PDE4A: variants seen among roughly 807,000 people sequenced by gnomAD.
PDE4A encodes the protein 3',5'-cyclic-AMP phosphodiesterase 4A.
A neutral mutation model predicts 73.9 loss-of-function variants in PDE4A; 21 were observed. The observed-to-expected ratio is 0.28, with a 90% CI of 0.20 to 0.41. The LOEUF is 0.41. Among genes scored for constraint, PDE4A ranks in the 10% least tolerant of loss-of-function variants. PDE4A has a pLI of 1.00. For missense variants in PDE4A, 958 were observed against 1,211.4 expected, an observed-to-expected ratio of 0.79 and a Z score of 3.10; for synonymous variants, 463 against 505.4, an observed-to-expected ratio of 0.92 and a Z score of 1.13.
intron 1 of PDE4A, among the ~76,000 whole-genome samples, chr19:10,440,131 C>T (rs1450335430): frequency 1.8e-4 from 27 of 151,642 alleles, no homozygotes; most frequent in African/African-American, 6.5e-4. Flanking sequence ...ATTATAGGCA[C>T]CCACCACCAC....
At chr19:10,417,748 G>C (rs747135963), upstream of PDE4A, 13 of 1,581,668 alleles carry the variant, frequency 8.2e-6, no homozygotes, top group South Asian at 1.5e-4. Context: ...TCCGGTCCTG[G>C]CCTGGGCTGG....
At chr19:10,438,173 C>T (rs969502546) in intron 1 of PDE4A, among the ~76,000 whole-genome samples, 20 of 150,320 alleles carry the variant, frequency 1.3e-4, no homozygotes, top group African/African-American at 4.2e-4. Context: ...AGTGCAGTGG[C>T]GCAATCTCGG....
At chr19:10,427,956 CTTG>C in intron 1 of PDE4A, 2 of 403,248 alleles carry the variant, frequency 5.0e-6, no homozygotes, top group Non-Finnish European at 6.6e-6. Flanking sequence ...TATCATGTCA[CTTG>C]CACTGCAGTC....
chr19:10,424,469 C>T lies in PDE4A; in HGVS notation c.320+3385C>T, dbSNP rs546756019. Among the ~76,000 whole-genome samples, 13 of 152,366 alleles carry T rather than the reference C, an allele frequency of 8.5e-5. No homozygotes were observed. The South Asian group carries it at 2.7e-3, about 32-fold the overall frequency. ...CCCTGGATGTGGGTTGGGAGCGGGT[C>T]TCCCCGCGCGCCCTCTGCTGGACGA... On this transcript the variant is annotated intron_variant, in intron 1 of 14. Transcript: ENST00000380702. The surrounding 1 kb of genome is among the most constrained non-coding windows in gnomAD (Gnocchi z 4.8).
upstream of PDE4A, chr19:10,417,531 C>G: frequency 7.0e-7 from 1 of 1,438,398 alleles, no homozygotes; most frequent in Non-Finnish European, 9.1e-7. Flanking sequence ...GCGAGTGGCT[C>G]ACACGTGAAG....
rs1486393459 is a variant in PDE4A, at chr19:10,467,774, T to A, written c.*153T>A. On this transcript the variant is annotated 3_prime_UTR_variant, in exon 15 of 15. Transcript: ENST00000380702. ...GGGGTTTTTTTCTGTTTTCTTTTTTTCCCCTTTCCCCCTGCCCCCACCCAC... is the reference window on the plus strand; with the variant it reads ...GGGGTTTTTTTCTGTTTTCTTTTTTACCCCTTTCCCCCTGCCCCCACCCAC... 1.8e-6 allele frequency: 1 copy of A among 564,700 alleles called. No homozygotes were observed. The highest frequency in any genetic ancestry group is 2.8e-6 in the Non-Finnish European group (1 of 356,478). The allele number at this position is 564,700 out of a possible 1,614,324, so 35.0% of individuals were successfully genotyped here. A position where few individuals can be genotyped will look rare whatever the true frequency, so the allele number is the denominator to read the frequency against.
In PDE4A at chr19:10,461,490, C is replaced by G. The variant is rs780090078; in HGVS notation, c.1466-36C>G. The G allele has an allele frequency of 4.4e-6, 7 of 1,608,194 alleles. No individual in the cohort carries two copies. In the South Asian group the frequency reaches 6.6e-5, roughly 15 times the overall value. ...GCCCTCCTGCGGTTGGAGCTGCACA[C>G]GTGGGCCCTCCCCTGACCTCCGGGC... On this transcript the variant is annotated intron_variant, in intron 11 of 14. Coordinates refer to ENST00000380702, the MANE Select transcript of PDE4A (RefSeq NM_001111307.2).
intron 2 of PDE4A, 65 bp downstream of exon 2, chr19:10,446,474 C>G: frequency 1.3e-6 from 2 of 1,554,438 alleles, no homozygotes; most frequent in South Asian, 1.2e-5. Flanking sequence ...CTGCCCTTCC[C>G]AGCAGGGAGT....
intron 1 of PDE4A, among the ~76,000 whole-genome samples, chr19:10,433,463 G>A (rs930746920): frequency 3.3e-5 from 5 of 152,076 alleles, no homozygotes; most frequent in African/African-American, 1.2e-4. Context: ...AACGCACCCC[G>A]TGCCCACACA....
At chr19:10,423,200 C>T (rs1028752918) in intron 1 of PDE4A, 6 of 898,322 alleles carry the variant, frequency 6.7e-6, no homozygotes, top group Non-Finnish European at 8.0e-6. Context: ...CCTCTGTCAC[C>T]CAGGCTGGAG....
intron 1 of PDE4A, chr19:10,428,692 C>T (rs1261652926): frequency 2.6e-6 from 2 of 770,144 alleles, no homozygotes; most frequent in African/African-American, 1.9e-5. Context: ...GAAACTGAGG[C>T]TCAATGAAAT....
Position 10,461,197 on chromosome 19 carries a change from C to T in PDE4A, c.1465+94C>T, listed in dbSNP as rs543072398. ...CTAACTAGGCTGGAGGAGGGGCTGG[C>T]TGGCCTGGGGGCGGGGCTGGCTGGC... On this transcript the variant is annotated intron_variant, in intron 11 of 14. Coordinates refer to ENST00000380702, the MANE Select transcript of PDE4A (RefSeq NM_001111307.2). 2.4e-4 allele frequency: 291 copies of T among 1,228,664 alleles called. 4 individuals carry two copies. The East Asian group carries it at 0.016, about 66-fold the overall frequency. The allele number at this position is 1,228,664 out of a possible 1,614,324, so 76.1% of individuals were successfully genotyped here.
At chr19:10,461,485 G>A (rs1431886745) in intron 11 of PDE4A, 41 bp from the exon 12 acceptor site, 2 of 1,606,180 alleles carry the variant, frequency 1.2e-6, no homozygotes, top group Admixed American at 1.7e-5. Context: ...GGTTGGAGCT[G>A]CACACGTGGG....
At chr19:10,439,561 G>A (rs568880521) in intron 1 of PDE4A, among the ~76,000 whole-genome samples, 4 of 152,242 alleles carry the variant, frequency 2.6e-5, no homozygotes, top group South Asian at 2.1e-4. Flanking sequence ...GGGAGGAATC[G>A]GAGCAGCAGA....
intron 13 of PDE4A, among the ~76,000 whole-genome samples, chr19:10,462,839 C>CCTCTGTT (rs973941066): frequency 3.9e-5 from 6 of 152,136 alleles, no homozygotes; most frequent in African/African-American, 1.2e-4. Flanking sequence ...CCCGTTACCT[C>CCTCTGTT]CTCTGTTCTC....
chr19:10,450,988 G>T, intron 6 of PDE4A, 47 bp downstream of exon 6: 9 of 1,532,290 alleles, frequency 5.9e-6, no homozygotes, highest in Non-Finnish European at 8.0e-6. Context: ...GGCGGGGGCG[G>T]GGCCAGTGGG....
In PDE4A at chr19:10,429,864, C is replaced by T. The variant is rs2042764943; in HGVS notation, c.320+8780C>T. Among the ~76,000 whole-genome samples the T allele has an allele frequency of 2.0e-5, 3 of 152,096 alleles. No homozygotes were observed. In the South Asian group the frequency reaches 6.2e-4, roughly 31 times the overall value. On this transcript the variant is annotated intron_variant, in intron 1 of 14. Transcript: ENST00000380702. ...GCATCCCCTGAGTCTGAAGGCATTC[C>T]CGAGGTTGTCTTGGGGTCTCAGCAC... is the stretch of plus-strand genomic sequence containing the variant.
chr19:10,452,041 G>A (rs1032625850), intron 6 of PDE4A, among the ~76,000 whole-genome samples: 15 of 151,514 alleles, frequency 9.9e-5, no homozygotes, highest in Non-Finnish European at 1.9e-4. Context: ...GTGTGTGTGT[G>A]TGTGTGTGTG....
chr19:10,460,198 T>TA (rs886564156), intron 10 of PDE4A, among the ~76,000 whole-genome samples: 81 of 142,612 alleles, frequency 5.7e-4, no homozygotes, highest in South Asian at 1.4e-3. Context: ...TCTTATTTCT[T>TA]AAAAAAAAAA....
Sources: gnomAD v4.1 joint callset for allele counts (sites outside exome capture counted in the v4.1 genomes callset) on GRCh38, gnomAD v4.1.1 for gene constraint, Gnocchi (gnomAD v3.1) non-coding constraint, MANE v1.5 for transcripts, NCBI Gene and HGNC (gene_info 2026-07-23, HGNC 2026-07-21) for gene names.